ACAN: variants seen among roughly 807,000 people sequenced by gnomAD.
ACAN encodes the protein aggrecan.
A neutral mutation model predicts 169.1 loss-of-function variants in ACAN; 47 were observed. That is an observed-to-expected ratio of 0.28 (90% CI 0.22 to 0.35). ACAN has a LOEUF of 0.35. ACAN is among the 10% of genes least tolerant of loss of function. ACAN has a pLI of 1.00. For missense variants in ACAN, 2,716 were observed against 2,759.9 expected (o/e 0.98, Z 0.36); for synonymous variants, 1,115 against 1,112.2 (o/e 1.00, Z -0.05).
Position 88,858,166 on chromosome 15 carries a change from G to A in ACAN, c.5581G>A (p.Gly1861Arg), listed in dbSNP as rs201212378. The A allele has an allele frequency of 2.5e-5, 40 of 1,613,796 alleles. No homozygotes were observed. Among genetic ancestry groups the A allele is most frequent in the African/African-American group, 9.3e-5 (7 of 74,896 alleles). ...TGTGGAACTCAGTGGCCTCCCTTCC[G>A]GAGAGGCAGATCTGTCAGGCAAATC... ...GSVELSGLPS[G>R]EADLSGKSGM... Residue 1861 changes from glycine (G) to arginine (R), a missense_variant, in exon 12 of 19, where the codon GGA becomes AGA. Transcript: ENST00000560601. The surrounding 1 kb of genome is among the most constrained non-coding windows in gnomAD (Gnocchi z 4.0).
intron 1 of ACAN, among the ~76,000 whole-genome samples, chr15:88,811,604 G>A (rs547453873): frequency 1.3e-5 from 2 of 152,284 alleles, no homozygotes; most frequent in African/African-American, 4.8e-5. Context: ...GTGGGGTGGG[G>A]TGGGGCTCTG....
In ACAN at chr15:88,873,009, G is replaced by T; in HGVS notation, c.7431G>T (p.Thr2477=). The part of the protein sequence containing the change: ...DVPCNYHLPF[T]CKKGTVACGE... ...CCTGCAATTACCACCTCCCCTTCAC[G>T]TGTAAAAAGGGCACAGGTAAGCTGG... Residue 2477 remains threonine (T), a synonymous_variant, in exon 17 of 19, where the codon ACG becomes ACT. Transcript: ENST00000560601. This position sits in a 1 kb window ranked among gnomAD's most constrained non-coding sequence, Gnocchi z 7.5. 1 of 1,613,110 alleles carries T rather than the reference G, an allele frequency of 6.2e-7. No individual in the cohort carries two copies. The highest frequency in any genetic ancestry group is 8.5e-7 in the Non-Finnish European group (1 of 1,179,594).
In ACAN at chr15:88,866,747, A is replaced by G. The variant is rs1897286410; in HGVS notation, c.6947-1469A>G. On this transcript the variant is annotated intron_variant, in intron 13 of 18. Transcript: ENST00000560601. The surrounding 1 kb of genome is among the most constrained non-coding windows in gnomAD (Gnocchi z 5.6). ...CTACTATGCACCAGCGTAAGGACTC[A>G]GAGGAAACCGCCTTTACCATCTCAT... Among the ~76,000 whole-genome samples, 1 of 152,236 alleles carries G rather than the reference A, an allele frequency of 6.6e-6. No homozygotes were observed. Among genetic ancestry groups the G allele is most frequent in the African/African-American group, 2.4e-5 (1 of 41,466 alleles).
At chr15:88,836,587 C>T (rs1210907607) in intron 2 of ACAN, among the ~76,000 whole-genome samples, 2 of 152,304 alleles carry the variant, frequency 1.3e-5, no homozygotes, top group South Asian at 2.1e-4. Context: ...AGGACTGCTG[C>T]GCACTGAGCT....
rs1212913774 is a variant in ACAN at position 88,855,012 on chromosome 15, G to A, written c.2427G>A (p.Val809=). 1 of 1,594,496 alleles carries A rather than the reference G, an allele frequency of 6.3e-7. No homozygotes were observed. The highest frequency in any genetic ancestry group is 2.3e-5 in the East Asian group (1 of 44,438). ...CCTCAGAGGAACCATTCCCCTCAGTGAGGCCATTCCCCTCAGTGGAGCTGT... is the reference window on the plus strand; with the variant it reads ...CCTCAGAGGAACCATTCCCCTCAGTAAGGCCATTCCCCTCAGTGGAGCTGT... ...PSPSEEPFPS[V]RPFPSVELFP... Residue 809 remains valine, a synonymous_variant, in exon 12 of 19, where the codon GTG becomes GTA. Transcript: ENST00000560601.
chr15:88,874,703 C>A lies in ACAN; in HGVS notation c.*222C>A. 1 of 640,856 alleles carries A rather than the reference C, an allele frequency of 1.6e-6. No homozygotes were observed. The highest frequency in any genetic ancestry group is 2.9e-6 in the Non-Finnish European group (1 of 349,820). 39.7% of individuals were successfully genotyped at this position (640,856 alleles called of 1,614,324 possible). A position where few individuals can be genotyped will look rare whatever the true frequency, so the allele number is the denominator to read the frequency against. On this transcript the variant is annotated 3_prime_UTR_variant, in exon 19 of 19. Coordinates refer to ENST00000560601, the MANE Select transcript of ACAN (RefSeq NM_001369268.1). The surrounding 1 kb of genome is among the most constrained non-coding windows in gnomAD (Gnocchi z 7.3). ...CCGCCGAATGCCAAAGCAAAGCAAA[C>A]TTATTATAACCCTTGGACTGAGTTT...
At position 88,859,414 on chromosome 15, in the gene ACAN, G is replaced by C; in HGVS notation, c.6829G>C (p.Ala2277Pro). Reference protein sequence around the residue: ...EWKRESESTAAAPARSCAEEP... With the variant: ...EWKRESESTAPAPARSCAEEP... ...GAAACGTGAATCAGAATCAACTGCTGCAGGTATTGTGATTTTTTCCCCCTT... is the reference window on the plus strand; with the variant it reads ...GAAACGTGAATCAGAATCAACTGCTCCAGGTATTGTGATTTTTTCCCCCTT... The change falls in exon 12 of 19, where the codon GCA becomes CCA. Residue 2277 changes from alanine to proline, a missense_variant. Physicochemically the swap from Ala to Pro is conservative, Grantham distance 27. Around this residue, in one of 3 missense-constraint regions of ACAN, gnomAD observed 1,389 missense variants for 1,363.7 expected, o/e 1.02. Coordinates refer to ENST00000560601, the MANE Select transcript of ACAN (RefSeq NM_001369268.1). 6.4e-7 allele frequency: 1 copy of C among 1,554,286 alleles called. No individual in the cohort carries two copies. Among genetic ancestry groups the C allele is most frequent in the Non-Finnish European group, 8.7e-7 (1 of 1,148,432 alleles).
In ACAN at chr15:88,874,569, T is replaced by C; in HGVS notation, c.*88T>C. ...CCACCCAGACGGTGTCCTCTTCTTG[T>C]CGCTTTTTGTCATATAAGGAATCCC... On this transcript the variant is annotated 3_prime_UTR_variant, in exon 19 of 19. Coordinates refer to ENST00000560601, the MANE Select transcript of ACAN (RefSeq NM_001369268.1). The surrounding 1 kb of genome is among the most constrained non-coding windows in gnomAD (Gnocchi z 7.3). 1 of 1,254,562 alleles carries C rather than the reference T, an allele frequency of 8.0e-7. No individual in the cohort carries two copies. Among genetic ancestry groups the C allele is most frequent in the Non-Finnish European group, 1.1e-6 (1 of 877,598 alleles). 77.7% of individuals were successfully genotyped at this position (1,254,562 alleles called of 1,614,324 possible). A position where few individuals can be genotyped will look rare whatever the true frequency, so the allele number is the denominator to read the frequency against.
chr15:88,842,344 C>T (rs1896682316), intron 5 of ACAN, among the ~76,000 whole-genome samples: 1 of 152,210 alleles, frequency 6.6e-6, no homozygotes, highest in Non-Finnish European at 1.5e-5. Flanking sequence ...TTGGACAGAG[C>T]TGGGGGCAGT....
chr15:88,852,107 G>A, intron 11 of ACAN, 74 bp downstream of exon 11: 1 of 1,513,086 alleles, frequency 6.6e-7, no homozygotes, highest in Non-Finnish European at 8.9e-7. Context: ...GCCTGGTGGG[G>A]CGGGGGGGTT....
intron 1 of ACAN, among the ~76,000 whole-genome samples, chr15:88,834,557 CG>C (rs1194280349): frequency 6.6e-6 from 1 of 152,130 alleles, no homozygotes. Flanking sequence ...GGGAATGCCA[CG>C]GGCGAGAGTT....
In ACAN at chr15:88,873,742, A is replaced by G. The variant is rs3784756; in HGVS notation, c.7448-100A>G. ...GAAAACGTCCAGGGCTCACTGTCAG[A>G]TGTTGAGGCTGTGTCCCCCACAGTG... On this transcript the variant is annotated intron_variant, in intron 17 of 18. Coordinates refer to ENST00000560601, the MANE Select transcript of ACAN (RefSeq NM_001369268.1). The surrounding 1 kb of genome is among the most constrained non-coding windows in gnomAD (Gnocchi z 7.5). 34,784 of 1,268,414 alleles carry G rather than the reference A, an allele frequency of 0.027. 3,865 individuals are homozygous for G. In the African/African-American group the frequency reaches 0.31, roughly 11 times the overall value. 78.6% of individuals were successfully genotyped at this position (1,268,414 alleles called of 1,614,324 possible). A position where few individuals can be genotyped will look rare whatever the true frequency, so the allele number is the denominator to read the frequency against.
chr15:88,855,556 G>T lies in ACAN; in HGVS notation c.2971G>T (p.Asp991Tyr). Reference sequence around the variant, plus strand: ...AGAGACCACTGCCCCTGGAGTAGAGGACATCAGCGGGCTTCCTTCTGGAGA... The same window carrying T: ...AGAGACCACTGCCCCTGGAGTAGAGTACATCAGCGGGCTTCCTTCTGGAGA... Reference protein sequence around the residue: ...VLETTAPGVEDISGLPSGEVL... With the variant: ...VLETTAPGVEYISGLPSGEVL... The change falls in exon 12 of 19, where the codon GAC becomes TAC. Residue 991 changes from aspartate (D) to tyrosine (Y), a missense_variant. Asp to Tyr is a radical substitution (Grantham distance 160). Around this residue, in one of 3 missense-constraint regions of ACAN, gnomAD observed 44 missense variants for 114.7 expected, o/e 0.38. Transcript: ENST00000560601. 1 of 1,607,064 alleles carries T rather than the reference G, an allele frequency of 6.2e-7. No homozygotes were observed. The highest frequency in any genetic ancestry group is 1.1e-5 in the South Asian group (1 of 90,086).
At chr15:88,833,074 G>T (rs925561443) in intron 1 of ACAN, among the ~76,000 whole-genome samples, 1 of 152,212 alleles carries the variant, frequency 6.6e-6, no homozygotes, top group East Asian at 1.9e-4. Flanking sequence ...CATTCAGGGA[G>T]AGTGGGTGAG....
Position 88,847,938 on chromosome 15 carries a change from A to G in ACAN, c.1632A>G (p.Pro544=). The G allele has an allele frequency of 6.2e-7, 1 of 1,613,906 alleles. No individual in the cohort carries two copies. Among genetic ancestry groups the G allele is most frequent in the Non-Finnish European group, 8.5e-7 (1 of 1,179,840 alleles). The part of the protein sequence containing the change: ...VRYPIVSPRT[P]CVGDKDSSPG... ...ACCCCATTGTGAGCCCCCGGACCCC[A>G]TGCGTGGGTGACAAGGACAGCAGCC... is the stretch of plus-strand genomic sequence containing the variant. Residue 544 remains proline (P), a synonymous_variant, in exon 9 of 19, where the codon CCA becomes CCG. Transcript: ENST00000560601.
rs750884988 is a variant in ACAN, at chr15:88,858,668, C to A, written c.6083C>A (p.Ala2028Asp). 1 of 1,613,974 alleles carries A rather than the reference C, an allele frequency of 6.2e-7. No individual in the cohort carries two copies. Among genetic ancestry groups the A allele is most frequent in the Non-Finnish European group, 8.5e-7 (1 of 1,179,898 alleles). ...SSVAMGTSGE[A>D]SGLPEVTLIT... ...GTAGCCATGGGCACCAGTGGAGAGG[C>A]CTCAGGACTTCCAGAAGTTACTTTA... The change falls in exon 12 of 19, where the codon GCC becomes GAC. Residue 2028 changes from alanine to aspartate, a missense_variant. Around this residue, in one of 3 missense-constraint regions of ACAN, gnomAD observed 1,389 missense variants for 1,363.7 expected, o/e 1.02. Transcript: ENST00000560601. The surrounding 1 kb of genome is among the most constrained non-coding windows in gnomAD (Gnocchi z 4.0).
At chr15:88,831,107 C>G (rs1039032906) in intron 1 of ACAN, among the ~76,000 whole-genome samples, 1 of 152,188 alleles carries the variant, frequency 6.6e-6, no homozygotes, top group Non-Finnish European at 1.5e-5. Flanking sequence ...CCATCATAAC[C>G]AGTTTCAAAC....
chr15:88,832,099 C>A (rs573364257), intron 1 of ACAN, among the ~76,000 whole-genome samples: 1 of 152,088 alleles, frequency 6.6e-6, no homozygotes, highest in South Asian at 2.1e-4. Context: ...GGAATGAGCA[C>A]CTAACATGCA....
At chr15:88,820,504 G>T (rs1237191674) in intron 1 of ACAN, among the ~76,000 whole-genome samples, 1 of 152,126 alleles carries the variant, frequency 6.6e-6, no homozygotes, top group Non-Finnish European at 1.5e-5. Flanking sequence ...GCCCCACTTT[G>T]TTTCTAACTT....
Sources: allele counts gnomAD v4.1 joint callset (sites outside exome capture counted in the v4.1 genomes callset), GRCh38; gene constraint gnomAD v4.1.1; regional missense constraint gnomAD v4.1.1; non-coding constraint Gnocchi (gnomAD v3.1); transcripts MANE v1.5; gene names NCBI Gene and HGNC (gene_info 2026-07-23, HGNC 2026-07-21).